The following SYT14 variants were observed in gnomAD, a reference collection of about 807,000 sequenced individuals.
SYT14 encodes the protein synaptotagmin-14.
In SYT14, 32 loss-of-function variants were observed where a neutral mutation model predicts 74.2. The ratio of observed to expected loss-of-function variants is 0.43; its 90% CI spans 0.33 to 0.58. SYT14 has a LOEUF of 0.58. SYT14 is among the 20% of genes least tolerant of loss of function. SYT14 has a pLI of 0.05. For synonymous variants in SYT14, 298 were observed against 337.7 expected, an observed-to-expected ratio of 0.88 and a Z score of 1.29; for missense variants, 791 against 981.8, an observed-to-expected ratio of 0.81 and a Z score of 2.60.
intron 5 of SYT14, among the ~76,000 whole-genome samples, chr1:210,042,799 C>T (rs2080817600): frequency 6.6e-6 from 1 of 152,116 alleles, no homozygotes; most frequent in Non-Finnish European, 1.5e-5. Flanking sequence ...ATGCCTCCAG[C>T]TTTGTTCTTT....
intron 2 of SYT14, among the ~76,000 whole-genome samples, chr1:209,972,836 C>T (rs1175688461): frequency 6.6e-6 from 1 of 152,106 alleles, no homozygotes; most frequent in Non-Finnish European, 1.5e-5. Flanking sequence ...TTGATGGGTA[C>T]AATATTCTGT....
At chr1:210,101,656 AAG>A (rs1007411722) in intron 7 of SYT14, among the ~76,000 whole-genome samples, 5 of 151,330 alleles carry the variant, frequency 3.3e-5, no homozygotes, top group Non-Finnish European at 5.9e-5. Flanking sequence ...AGCAGCTTAA[AAG>A]AGGGGAGAAA....
At chr1:210,075,915 A>G (rs982796287) in intron 5 of SYT14, among the ~76,000 whole-genome samples, 2 of 152,116 alleles carry the variant, frequency 1.3e-5, no homozygotes, top group African/African-American at 2.4e-5. Flanking sequence ...TACCTGCATG[A>G]TGGGTGTATT....
intron 7 of SYT14, among the ~76,000 whole-genome samples, chr1:210,130,033 G>C (rs950969805): frequency 9.2e-5 from 14 of 152,196 alleles, no homozygotes; most frequent in South Asian, 4.1e-4. Context: ...ACTGCAATGA[G>C]TCACTGTTGA....
intron 7 of SYT14, among the ~76,000 whole-genome samples, chr1:210,111,709 A>G (rs776219212): frequency 2.6e-5 from 4 of 151,256 alleles, no homozygotes; most frequent in Non-Finnish European, 4.4e-5. Context: ...GCGGTTTTGT[A>G]TGAATTGAAA....
chr1:210,008,323 G>T (rs749017426), intron 2 of SYT14, among the ~76,000 whole-genome samples: 1 of 152,038 alleles, frequency 6.6e-6, no homozygotes, highest in Non-Finnish European at 1.5e-5. Flanking sequence ...TTCTTCAAAT[G>T]TGTAATATTA....
chr1:210,132,312 A>G (rs916871692), intron 7 of SYT14, among the ~76,000 whole-genome samples: 11 of 151,598 alleles, frequency 7.3e-5, no homozygotes, highest in African/African-American at 2.7e-4. Context: ...CCTGGCATGG[A>G]CATCCTGTTC....
chr1:210,169,489 T>TTGA (rs2083499440), exon 10 of SYT14: 1 of 151,994 alleles, frequency 6.6e-6, no homozygotes, highest in Non-Finnish European at 1.5e-5. Flanking sequence ...TAACAGCATT[T>TTGA]TGATGTTATA....
intron 4 of SYT14, among the ~76,000 whole-genome samples, chr1:210,020,181 A>C (rs1473353946): frequency 6.6e-6 from 1 of 152,138 alleles, no homozygotes; most frequent in East Asian, 1.9e-4. Context: ...ATGATATTGT[A>C]GTTATTCTTT....
At chr1:209,987,729 A>G (rs1409064665) in intron 2 of SYT14, among the ~76,000 whole-genome samples, 1 of 152,234 alleles carries the variant, frequency 6.6e-6, no homozygotes, top group Admixed American at 6.5e-5. Flanking sequence ...TTCAAAGATC[A>G]TTTAACTGGC....
At chr1:210,095,332 G>A (rs1371027621) in intron 6 of SYT14, among the ~76,000 whole-genome samples, 1 of 152,168 alleles carries the variant, frequency 6.6e-6, no homozygotes, top group African/African-American at 2.4e-5. Context: ...ACAGAGTGCA[G>A]TGGCACAGTC....
At chr1:210,037,187 ATT>A (rs2080683127) in intron 5 of SYT14, among the ~76,000 whole-genome samples, 1 of 151,746 alleles carries the variant, frequency 6.6e-6, no homozygotes, top group Non-Finnish European at 1.5e-5. Flanking sequence ...GAATTTATCC[ATT>A]TCCTCTAGGT....
intron 2 of SYT14, among the ~76,000 whole-genome samples, chr1:209,996,158 A>G (rs949281391): frequency 2.0e-5 from 3 of 152,164 alleles, no homozygotes; most frequent in African/African-American, 4.8e-5. Context: ...TTGAGCTACA[A>G]TAATCCATAC....
intron 2 of SYT14, among the ~76,000 whole-genome samples, chr1:210,005,024 A>G (rs1328200687): frequency 6.6e-6 from 1 of 151,948 alleles, no homozygotes; most frequent in Non-Finnish European, 1.5e-5. Context: ...CACTAACTGA[A>G]CTATGCCGGA....
At chr1:210,015,107 A>G (rs914116757) in intron 3 of SYT14, among the ~76,000 whole-genome samples, 3 of 152,120 alleles carry the variant, frequency 2.0e-5, no homozygotes, top group African/African-American at 7.2e-5. Flanking sequence ...TTCCAAAACA[A>G]AAAGAAAATG....
At chr1:209,978,769 C>T (rs1221605357) in intron 2 of SYT14, among the ~76,000 whole-genome samples, 1 of 152,218 alleles carries the variant, frequency 6.6e-6, no homozygotes, top group Admixed American at 6.5e-5. Flanking sequence ...GAGGATTTTG[C>T]TGCCTTTTGT....
intron 2 of SYT14, among the ~76,000 whole-genome samples, chr1:209,996,320 A>G (rs557992363): frequency 4.6e-5 from 7 of 152,158 alleles, no homozygotes; most frequent in South Asian, 2.1e-4. Flanking sequence ...AATGATGTGA[A>G]CAACTCTAAT....
chr1:210,148,777 A>AC (rs1396402794), intron 7 of SYT14, among the ~76,000 whole-genome samples: 1 of 152,200 alleles, frequency 6.6e-6, no homozygotes, highest in African/African-American at 2.4e-5. Context: ...ACTTCAGTGA[A>AC]CAAGTAACTT....
chr1:209,952,630 A>G, intron 1 of SYT14, 79 bp from the exon 2 acceptor site: 1 of 1,267,698 alleles, frequency 7.9e-7, no homozygotes, highest in Non-Finnish European at 1.1e-6. Context: ...TTTAGGTGCT[A>G]ATTTAAAATG....
Sources: allele counts gnomAD v4.1 joint callset (sites outside exome capture counted in the v4.1 genomes callset), GRCh38; gene constraint gnomAD v4.1.1; transcripts MANE v1.5; gene names NCBI Gene and HGNC (gene_info 2026-07-23, HGNC 2026-07-21).